SAMMSON: variants seen among roughly 807,000 people sequenced by gnomAD.
The protein encoded by SAMMSON is survival associated mitochondrial melanoma specific oncogenic non-coding RNA.
Position 70,362,804 on chromosome 3 carries a change from CTT to C in SAMMSON, n.913+4496_913+4497del, listed in dbSNP as rs11360944. Among the ~76,000 whole-genome samples, 340 of 133,982 alleles carry C rather than the reference CTT, an allele frequency of 2.5e-3. 3 individuals carry two copies. The highest frequency in any genetic ancestry group is 7.7e-3 in the African/African-American group (279 of 36,418). The allele number at this position is 133,982 out of a possible 152,430, so 87.9% of individuals were successfully genotyped here. On this transcript the variant is annotated intron_variant and non_coding_transcript_variant, in intron 9 of 9. Coordinates refer to ENST00000642114, the Ensembl canonical transcript of SAMMSON. The stretch of plus-strand genomic sequence containing the variant: ...ATTTTGGTAACCCAGGAAAGATCTG[CTT>C]TTTTTTTTTTTTTTTCTCCAGTGGC...
intron 3 of SAMMSON, among the ~76,000 whole-genome samples, chr3:70,066,536 T>A (rs143548108): frequency 6.6e-6 from 1 of 152,292 alleles, no homozygotes; most frequent in African/African-American, 2.4e-5. Context: ...CCTGCTCTTT[T>A]ACAAGTTGAA....
chr3:70,303,981 C>G (rs1702376509), intron 7 of SAMMSON, among the ~76,000 whole-genome samples: 1 of 152,174 alleles, frequency 6.6e-6, no homozygotes. Flanking sequence ...TCATGCCCAG[C>G]CTGATAGTTC....
rs572448698 is a variant in SAMMSON, at chr3:70,366,039, G to A, written n.913+7715G>A. Among the ~76,000 whole-genome samples, 9 of 69,878 alleles carry A rather than the reference G, an allele frequency of 1.3e-4. No homozygotes were observed. The South Asian group carries it at 4.3e-3, about 34-fold the overall frequency. 45.8% of individuals were successfully genotyped at this position (69,878 alleles called of 152,430 possible). On this transcript the variant is annotated intron_variant and non_coding_transcript_variant, in intron 9 of 9. Coordinates refer to ENST00000642114, the Ensembl canonical transcript of SAMMSON. The stretch of plus-strand genomic sequence containing the variant: ...CGCTCTGTCGCCCAGGTCGGACTGC[G>A]GACTGCAGTGGCGCAATCTCGGCTC...
At chr3:70,076,111 G>T (rs1386979959) in intron 4 of SAMMSON, among the ~76,000 whole-genome samples, 1 of 151,980 alleles carries the variant, frequency 6.6e-6, no homozygotes, top group African/African-American at 2.4e-5. Context: ...AGTTCCCAGG[G>T]TTAATTGTTT....
At chr3:70,370,683 G>A (rs954351997) in intron 9 of SAMMSON, among the ~76,000 whole-genome samples, 1 of 151,448 alleles carries the variant, frequency 6.6e-6, no homozygotes, top group African/African-American at 2.4e-5. Context: ...TTTCTTATTG[G>A]GTTGTTTGAG....
intron 3 of SAMMSON, among the ~76,000 whole-genome samples, chr3:70,054,603 T>G (rs1307007761): frequency 6.6e-6 from 1 of 152,098 alleles, no homozygotes; most frequent in Non-Finnish European, 1.5e-5. Flanking sequence ...GGTCACCATG[T>G]ATAACATTAA....
intron 7 of SAMMSON, among the ~76,000 whole-genome samples, chr3:70,342,015 T>C (rs568603166): frequency 8.5e-5 from 13 of 152,302 alleles, no homozygotes; most frequent in Admixed American, 5.9e-4. Flanking sequence ...AAACTGTCCT[T>C]GTACTCTCAA....
At chr3:70,045,495 T>G (rs1043183777) in intron 3 of SAMMSON, among the ~76,000 whole-genome samples, 8 of 151,746 alleles carry the variant, frequency 5.3e-5, no homozygotes, top group Non-Finnish European at 1.0e-4. Flanking sequence ...TCCAATGCCC[T>G]GCCACCATTA....
At chr3:70,103,162 C>T (rs1316146369) in intron 4 of SAMMSON, among the ~76,000 whole-genome samples, 1 of 152,108 alleles carries the variant, frequency 6.6e-6, no homozygotes, top group Non-Finnish European at 1.5e-5. Flanking sequence ...AATGCAGGCC[C>T]ACGGTTACCT....
At chr3:70,065,448 G>A (rs1222077635) in intron 3 of SAMMSON, 1 of 152,048 alleles carries the variant, frequency 6.6e-6, no homozygotes, top group Non-Finnish European at 1.5e-5. Context: ...AAGTTTTCAT[G>A]AGTTGTCCAT....
chr3:70,414,769 T>G (rs989787373), intron 2 of SAMMSON, among the ~76,000 whole-genome samples: 1 of 152,188 alleles, frequency 6.6e-6, no homozygotes, highest in African/African-American at 2.4e-5. Flanking sequence ...CTAATTCATT[T>G]ATAAAGTGAA....
intron 4 of SAMMSON, among the ~76,000 whole-genome samples, chr3:70,245,498 A>G (rs1188581724): frequency 6.6e-6 from 1 of 151,520 alleles, no homozygotes; most frequent in Non-Finnish European, 1.5e-5. Context: ...GACTTTGTTA[A>G]TAACTTAAAT....
intron 2 of SAMMSON, among the ~76,000 whole-genome samples, chr3:70,429,258 C>T (rs1701394490): frequency 6.6e-6 from 1 of 152,080 alleles, no homozygotes; most frequent in African/African-American, 2.4e-5. Flanking sequence ...TCAGGATTCT[C>T]AAAGATCAGA....
intron 7 of SAMMSON, chr3:70,354,098 G>T (rs538857083): frequency 6.6e-6 from 1 of 152,384 alleles, no homozygotes; most frequent in East Asian, 1.9e-4. Flanking sequence ...CCAAGTGGTG[G>T]CTTGCTATGA....
intron 4 of SAMMSON, among the ~76,000 whole-genome samples, chr3:70,230,849 T>C (rs1701552679): frequency 6.6e-6 from 1 of 152,168 alleles, no homozygotes; most frequent in South Asian, 2.1e-4. Context: ...ACCTGCTGTG[T>C]TACTATCTTC....
chr3:70,224,924 G>A (rs549549349), intron 4 of SAMMSON, among the ~76,000 whole-genome samples: 10 of 152,092 alleles, frequency 6.6e-5, no homozygotes, highest in Admixed American at 3.3e-4. Context: ...TTTGCAAAGT[G>A]TGGTGAAACA....
intron 4 of SAMMSON, among the ~76,000 whole-genome samples, chr3:70,098,001 A>C (rs535511025): frequency 2.0e-5 from 3 of 152,346 alleles, no homozygotes; most frequent in Admixed American, 6.5e-5. Context: ...TTGAAAGGTT[A>C]AATTAGCTTT....
intron 4 of SAMMSON, among the ~76,000 whole-genome samples, chr3:70,237,977 A>ATTTTTTTTTTTTTT (rs1251005797): frequency 8.5e-4 from 11 of 13,002 alleles, no homozygotes; most frequent in African/African-American, 5.4e-3. Flanking sequence ...ATTGAGTGGT[A>ATTTTTTTTTTTTTT]TCTTTTTTTT....
intron 7 of SAMMSON, among the ~76,000 whole-genome samples, chr3:70,333,691 C>T (rs745690292): frequency 5.3e-5 from 8 of 152,178 alleles, no homozygotes; most frequent in African/African-American, 1.4e-4. Flanking sequence ...TTCTCTATTT[C>T]TCCAAATTAC....
Sources: allele counts gnomAD v4.1 joint callset (sites outside exome capture counted in the v4.1 genomes callset), GRCh38; gene constraint gnomAD v4.1.1; transcripts MANE v1.5; gene names NCBI Gene and HGNC (gene_info 2026-07-23, HGNC 2026-07-21).